The following DHX57 variants were observed in gnomAD, a reference collection of about 807,000 sequenced individuals.
The protein encoded by DHX57 is putative ATP-dependent RNA helicase DHX57.
In DHX57, 105 loss-of-function variants were observed where a neutral mutation model predicts 156.2. The ratio of observed to expected loss-of-function variants is 0.67; its 90% confidence interval spans 0.57 to 0.79. The LOEUF is 0.79. DHX57 is among the 30% of genes least tolerant of loss of function. DHX57 has a pLI of 0.00. For synonymous variants in DHX57, 704 were observed against 595.6 expected, an observed-to-expected ratio of 1.18 and a Z score of -2.65; for missense variants, 1,847 against 1,661.9, an observed-to-expected ratio of 1.11 and a Z score of -1.94.
intron 2 of DHX57, among the ~76,000 whole-genome samples, chr2:38,865,029 G>A (rs775317104): frequency 6.6e-6 from 1 of 152,112 alleles, no homozygotes; most frequent in Non-Finnish European, 1.5e-5. Flanking sequence ...AAACACCTTT[G>A]TCCCTTGGCT....
intron 15 of DHX57, 100 bp from the exon 16 acceptor site, chr2:38,826,147 G>A: frequency 8.3e-7 from 1 of 1,206,498 alleles, no homozygotes; most frequent in Non-Finnish European, 1.2e-6. Context: ...CTCCTGTAGA[G>A]GGACACAGTG....
At chr2:38,837,600 A>G (rs1004317205) in intron 13 of DHX57, among the ~76,000 whole-genome samples, 5 of 150,732 alleles carry the variant, frequency 3.3e-5, no homozygotes, top group Non-Finnish European at 5.9e-5. Context: ...AACAAGAGCA[A>G]AACCCCGTCT....
chr2:38,828,057 C>T (rs1039489100), intron 14 of DHX57, among the ~76,000 whole-genome samples: 1 of 152,172 alleles, frequency 6.6e-6, no homozygotes, highest in Admixed American at 6.5e-5. Flanking sequence ...GGTTTCTCCA[C>T]GTTGGTCAGG....
At chr2:38,842,375 T>A (rs1672053209) in intron 12 of DHX57, among the ~76,000 whole-genome samples, 1 of 152,106 alleles carries the variant, frequency 6.6e-6, no homozygotes, top group Non-Finnish European at 1.5e-5. Flanking sequence ...ACAGCAAAAA[T>A]AAACATTACT....
At chr2:38,852,337 T>TC (rs1672644858) in intron 9 of DHX57, among the ~76,000 whole-genome samples, 1 of 8,250 alleles carries the variant, frequency 1.2e-4, no homozygotes, top group Non-Finnish European at 0.031. Context: ...CCACCAATCC[T>TC]TTTTTTTTTT....
At chr2:38,823,816 A>T (rs1214413017) in intron 16 of DHX57, among the ~76,000 whole-genome samples, 1 of 152,182 alleles carries the variant, frequency 6.6e-6, no homozygotes, top group Non-Finnish European at 1.5e-5. Context: ...GTTCGAGACC[A>T]GCCTGGCCAA....
chr2:38,860,392 T>C (rs921791459), intron 5 of DHX57, among the ~76,000 whole-genome samples: 4 of 152,074 alleles, frequency 2.6e-5, no homozygotes, highest in Admixed American at 6.5e-5. Flanking sequence ...GAGGTTGCAG[T>C]GAGCTGAGAT....
At chr2:38,827,024 G>A (rs145558073) in intron 14 of DHX57, among the ~76,000 whole-genome samples, 72 of 152,114 alleles carry the variant, frequency 4.7e-4, no homozygotes, top group African/African-American at 1.5e-3. Flanking sequence ...CCAGTTACTC[G>A]GGAAGCTGAG....
intron 21 of DHX57, 50 bp from the exon 22 acceptor site, chr2:38,806,743 T>C (rs1255289594): frequency 1.9e-6 from 3 of 1,544,024 alleles, no homozygotes; most frequent in Non-Finnish European, 8.8e-7. Flanking sequence ...TATATTCTCA[T>C]AGAAAGTATC....
Position 38,815,506 on chromosome 2 carries a change from C to T in DHX57, c.3606+15G>A, listed in dbSNP as rs1452477596. ...CTAATTAAAGAGAAATGAGAACCAA[C>T]TCCACATTCTTTACCTCTTCTCCTG... On this transcript the variant is annotated intron_variant, in intron 20 of 23. Coordinates refer to ENST00000457308, the MANE Select transcript of DHX57 (RefSeq NM_198963.3). 2.5e-6 allele frequency: 4 copies of T among 1,613,738 alleles called. No homozygotes were observed. The highest frequency in any genetic ancestry group is 2.7e-5 in the African/African-American group (2 of 74,904).
At chr2:38,864,595 C>A (rs528414378) in intron 2 of DHX57, among the ~76,000 whole-genome samples, 14 of 152,180 alleles carry the variant, frequency 9.2e-5, no homozygotes, top group Non-Finnish European at 1.6e-4. Context: ...CAGCACTTAT[C>A]CCCCTTTCTA....
At chr2:38,810,900 G>A in intron 21 of DHX57, 1 of 786,804 alleles carries the variant, frequency 1.3e-6, no homozygotes, top group East Asian at 2.7e-5. Flanking sequence ...CGCTGTGCTT[G>A]CCTGCGACTT....
At chr2:38,858,253 G>T (rs985736255) in intron 6 of DHX57, among the ~76,000 whole-genome samples, 1 of 152,234 alleles carries the variant, frequency 6.6e-6, no homozygotes, top group Middle Eastern at 3.4e-3. Context: ...GTAGAGACAG[G>T]GTTTTGCCAT....
rs535060789 is a variant in DHX57, at chr2:38,806,601, G to A, written c.3774C>T (p.Asn1258=). Reference sequence around the variant, plus strand: ...AAGGGTGAATGTGTACATATCCATCGTTCTTGGTGACAAACTTCAACTCAG... The same window carrying A: ...AAGGGTGAATGTGTACATATCCATCATTCTTGGTGACAAACTTCAACTCAG... The part of the protein sequence containing the change: ...KSAELKFVTK[N]DGYVHIHPSS... The change falls in exon 22 of 24, where the codon AAC becomes AAT. Residue 1258 remains asparagine (N), a synonymous_variant. Transcript: ENST00000457308. 3.7e-6 allele frequency: 6 copies of A among 1,613,964 alleles called. No homozygotes were observed. The highest frequency in any genetic ancestry group is 1.7e-5 in the Admixed American group (1 of 59,974).
chr2:38,825,018 T>C (rs1263741735), intron 16 of DHX57, among the ~76,000 whole-genome samples: 1 of 152,164 alleles, frequency 6.6e-6, no homozygotes, highest in Non-Finnish European at 1.5e-5. Context: ...CTTCAAAAAC[T>C]AGTGTTTTAA....
At chr2:38,847,381 A>G (rs1672344466) in intron 10 of DHX57, among the ~76,000 whole-genome samples, 1 of 152,176 alleles carries the variant, frequency 6.6e-6, no homozygotes, top group African/African-American at 2.4e-5. Flanking sequence ...ACCTTTAAAC[A>G]TTCAACAGTT....
At chr2:38,811,347 C>T in intron 21 of DHX57, 2 of 527,780 alleles carry the variant, frequency 3.8e-6, no homozygotes, top group Admixed American at 4.5e-5. Context: ...TACTTTGCCC[C>T]CTCCCACTGA....
At chr2:38,874,367 C>T (rs1665495616) in intron 1 of DHX57, among the ~76,000 whole-genome samples, 1 of 149,932 alleles carries the variant, frequency 6.7e-6, no homozygotes, top group Admixed American at 6.6e-5. Flanking sequence ...CTGAGATTAC[C>T]GGCATGAGCC....
intron 22 of DHX57, among the ~76,000 whole-genome samples, chr2:38,803,743 C>T (rs1669808744): frequency 6.6e-6 from 1 of 151,476 alleles, no homozygotes; most frequent in South Asian, 2.1e-4. Context: ...CCTGCCTCGG[C>T]CTCCCAAAGT....
Sources: gnomAD v4.1 joint callset for allele counts (sites outside exome capture counted in the v4.1 genomes callset) on GRCh38, gnomAD v4.1.1 for gene constraint, MANE v1.5 for transcripts, NCBI Gene and HGNC (gene_info 2026-07-23, HGNC 2026-07-21) for gene names.